Variants in FOXO1 observed in about 807,000 individuals in gnomAD.
FOXO1 encodes forkhead box protein O1.
A neutral mutation model predicts 44.1 loss-of-function variants in FOXO1; 6 were observed. The ratio of observed to expected loss-of-function variants is 0.14; its 90% CI spans 0.07 to 0.27. The LOEUF (loss-of-function observed/expected upper bound fraction) is 0.27, where lower values mean the gene tolerates loss of function less well. FOXO1 is among the 10% of genes least tolerant of loss of function. The pLI, the probability that FOXO1 is intolerant of heterozygous loss-of-function variation, is 1.00. For synonymous variants in FOXO1, 380 were observed against 362.7 expected (o/e 1.05, Z -0.54); for missense variants, 737 against 888.8 (o/e 0.83, Z 2.17).
rs940868479 is a variant in FOXO1, at chr13:40,666,449, G to T, written c.-237C>A. The T allele has an allele frequency of 2.6e-6, 1 of 386,594 alleles. No homozygotes were observed. Among genetic ancestry groups the T allele is most frequent in the African/African-American group, 2.1e-5 (1 of 48,188 alleles). The allele number at this position is 386,594 out of a possible 1,614,324, so 23.9% of individuals were successfully genotyped here. On this transcript the variant is annotated 5_prime_UTR_variant, in exon 1 of 3. Transcript: ENST00000379561. The stretch of plus-strand genomic sequence containing the variant: ...TCGGGGTCCGCCGCACGGACTGGAC[G>T]GCCGGCCAGAGCCGCCGGGCCGGGG...
intron 1 of FOXO1, among the ~76,000 whole-genome samples, chr13:40,657,275 T>C (rs1438422224): frequency 6.6e-6 from 1 of 152,090 alleles, no homozygotes; most frequent in African/African-American, 2.4e-5. Context: ...CTTGAAAATT[T>C]TCATAGCGAA....
intron 1 of FOXO1, chr13:40,621,121 C>A: frequency 2.8e-6 from 1 of 360,608 alleles, no homozygotes; most frequent in South Asian, 3.2e-5. Flanking sequence ...AACCAAAGAG[C>A]AGACTGACAA....
At chr13:40,664,860 C>T (rs1878170510) in intron 1 of FOXO1, among the ~76,000 whole-genome samples, 1 of 151,820 alleles carries the variant, frequency 6.6e-6, no homozygotes, top group Non-Finnish European at 1.5e-5. Flanking sequence ...CCGAGGGTCA[C>T]ACTTGAACTT....
chr13:40,560,850 C>T lies in FOXO1; in HGVS notation c.641G>A (p.Arg214His). 1 of 1,602,686 alleles carries T rather than the reference C, an allele frequency of 6.2e-7. No individual in the cohort carries two copies. Among genetic ancestry groups the T allele is most frequent in the Non-Finnish European group, 8.5e-7 (1 of 1,175,404 alleles). Residue 214 changes from arginine (R) to histidine (H), a missense_variant, in exon 2 of 3, where the codon CGT (arginine) becomes CAT (histidine). Coordinates refer to ENST00000379561, the MANE Select transcript of FOXO1 (RefSeq NM_002015.4). The surrounding 1 kb of genome is among the most constrained non-coding windows in gnomAD (Gnocchi z 5.1). The part of the protein sequence containing the change: ...NSSAGWKNSI[R>H]HNLSLHSKFI... ...CTTGCTGTGTAGGGACAGATTATGA[C>T]GAATTGAATTCTGTAAGGCAAAACA...
chr13:40,585,857 T>C (rs1023409981), intron 1 of FOXO1, among the ~76,000 whole-genome samples: 2 of 152,228 alleles, frequency 1.3e-5, no homozygotes, highest in African/African-American at 4.8e-5. Flanking sequence ...AAACGGTGTC[T>C]TTTGGGTCTG....
chr13:40,592,931 A>C (rs757717836), intron 1 of FOXO1, among the ~76,000 whole-genome samples: 8 of 152,206 alleles, frequency 5.3e-5, no homozygotes, highest in Non-Finnish European at 1.0e-4. Flanking sequence ...ATCACTTCAC[A>C]GCCTATATAA....
rs967714345 is a variant in FOXO1 at position 40,557,348 on chromosome 13, G to C, written c.*1701C>G. ...TTTGGTCTGTCAGTTACAGGTAATTGGAAAGTAATAAAACATAATGATAGG... is the reference window on the plus strand; with the variant it reads ...TTTGGTCTGTCAGTTACAGGTAATTCGAAAGTAATAAAACATAATGATAGG... On this transcript the variant is annotated 3_prime_UTR_variant, in exon 3 of 3. Coordinates refer to ENST00000379561, the MANE Select transcript of FOXO1 (RefSeq NM_002015.4). 1 of 152,150 alleles carries C rather than the reference G, an allele frequency of 6.6e-6. No homozygotes were observed. Among genetic ancestry groups the C allele is most frequent in the Non-Finnish European group, 1.5e-5 (1 of 68,030 alleles). 9.4% of individuals were successfully genotyped at this position (152,150 alleles called of 1,614,324 possible). A position where few individuals can be genotyped will look rare whatever the true frequency, so the allele number is the denominator to read the frequency against.
At chr13:40,618,658 C>T (rs1256145188) in intron 1 of FOXO1, 1 of 373,722 alleles carries the variant, frequency 2.7e-6, no homozygotes, top group Non-Finnish European at 5.2e-6. Context: ...TCCAAAAAGG[C>T]ACAAACAATT....
Position 40,565,351 on chromosome 13 carries a change from T to C in FOXO1, c.631-4491A>G, listed in dbSNP as rs190422998. ...CCACTTAATAGGATGACACAACCCA[T>C]AGACTGTCCAGGAACACGGACCTTT... On this transcript the variant is annotated intron_variant, in intron 1 of 2. Transcript: ENST00000379561. Among the ~76,000 whole-genome samples, 422 of 152,210 alleles carry C rather than the reference T, an allele frequency of 2.8e-3. 1 individual carries two copies. The highest frequency in any genetic ancestry group is 9.3e-3 in the African/African-American group (388 of 41,532).
intron 1 of FOXO1, among the ~76,000 whole-genome samples, chr13:40,638,475 GGACCAGAA>G (rs1269951909): frequency 6.6e-6 from 1 of 152,082 alleles, no homozygotes; most frequent in African/African-American, 2.4e-5. Context: ...ATGTTTCCTG[GGACCAGAA>G]AGGAAAAGTA....
At chr13:40,641,939 T>A (rs573156690) in intron 1 of FOXO1, among the ~76,000 whole-genome samples, 1 of 152,104 alleles carries the variant, frequency 6.6e-6, no homozygotes, top group African/African-American at 2.4e-5. Context: ...TGAACCAAGA[T>A]CACACCATTG....
chr13:40,584,251 T>C (rs566430055), intron 1 of FOXO1, among the ~76,000 whole-genome samples: 2 of 152,054 alleles, frequency 1.3e-5, no homozygotes, highest in East Asian at 3.9e-4. Context: ...AATCCACATA[T>C]ACCTCCAAGG....
At chr13:40,585,343 G>GCGCACACACACA (rs10623475) in intron 1 of FOXO1, among the ~76,000 whole-genome samples, 283 of 147,122 alleles carry the variant, frequency 1.9e-3, no homozygotes, top group South Asian at 5.3e-3. Flanking sequence ...CTGCGCGCGC[G>GCGCACACACACA]CACACACACA....
chr13:40,615,151 G>A (rs1012454901), intron 1 of FOXO1, among the ~76,000 whole-genome samples: 1 of 152,210 alleles, frequency 6.6e-6, no homozygotes, highest in Non-Finnish European at 1.5e-5. Flanking sequence ...ACAAAACAGA[G>A]GATGCTTGTC....
intron 1 of FOXO1, among the ~76,000 whole-genome samples, chr13:40,656,361 G>C (rs1215968434): frequency 1.3e-5 from 2 of 152,164 alleles, no homozygotes; most frequent in Admixed American, 6.6e-5. Context: ...TGAAATTGCT[G>C]ACTTCAATTC....
Position 40,646,468 on chromosome 13 carries a change from C to T in FOXO1, c.630+19115G>A, listed in dbSNP as rs1877514972. ...AGTGCTGGGATTACAAGTGTTGGTG[C>T]CGTGAGCTGCGCCCAGCCAACTACT... On this transcript the variant is annotated intron_variant, in intron 1 of 2. Transcript: ENST00000379561. 2.0e-5 allele frequency among the ~76,000 whole-genome samples: 3 copies of T among 151,998 alleles called. No individual in the cohort carries two copies. The South Asian group carries it at 6.2e-4, about 32-fold the overall frequency.
chr13:40,645,105 T>A (rs758685616), intron 1 of FOXO1, among the ~76,000 whole-genome samples: 1 of 152,224 alleles, frequency 6.6e-6, no homozygotes, highest in Non-Finnish European at 1.5e-5. Context: ...CACCTTGGTA[T>A]TTCTGCATGA....
chr13:40,585,343 G>GCA (rs1555248752), intron 1 of FOXO1, among the ~76,000 whole-genome samples: 19,922 of 147,018 alleles, frequency 0.14, 1,534 homozygotes, highest in Non-Finnish European at 0.18. Flanking sequence ...CTGCGCGCGC[G>GCA]CACACACACA....
At position 40,560,157 on chromosome 13, in the gene FOXO1, T is replaced by C. The variant is rs181835164; in HGVS notation, c.1334A>G (p.Asn445Ser). Residue 445 changes from asparagine to serine, a missense_variant, in exon 2 of 3, where the codon AAT (asparagine) becomes AGT (serine). Physicochemically the swap from Asn to Ser is conservative, Grantham distance 46. Transcript: ENST00000379561. This position sits in a 1 kb window ranked among gnomAD's most constrained non-coding sequence, Gnocchi z 5.1. Reference sequence around the variant, plus strand: ...ACTCATACCTCCATAACTCGACTTATTGTCCTGAAGTGTTTGTATAGGCAT... The same window carrying C: ...ACTCATACCTCCATAACTCGACTTACTGTCCTGAAGTGTTTGTATAGGCAT... ...PQMPIQTLQDNKSSYGGMSQY... is the reference protein window; with the variant it reads ...PQMPIQTLQDSKSSYGGMSQY... 49 of 1,614,148 alleles carry C rather than the reference T, an allele frequency of 3.0e-5. No individual in the cohort carries two copies. Among genetic ancestry groups the C allele is most frequent in the Middle Eastern group, 1.6e-4 (1 of 6,062 alleles).
Sources: gnomAD v4.1 joint callset for allele counts (sites outside exome capture counted in the v4.1 genomes callset) on GRCh38, gnomAD v4.1.1 for gene constraint, Gnocchi (gnomAD v3.1) non-coding constraint, MANE v1.5 for transcripts, NCBI Gene and HGNC (gene_info 2026-07-23, HGNC 2026-07-21) for gene names.